Variants in SERPINB6 observed in about 807,000 individuals in gnomAD.
SERPINB6 encodes the protein serpin B6.
A neutral mutation model predicts 26.1 loss-of-function variants in SERPINB6; 16 were observed. The observed-to-expected ratio is 0.61, with a 90% CI of 0.42 to 0.93. SERPINB6 has a LOEUF of 0.93. Among genes scored for constraint, SERPINB6 ranks in the 40% least tolerant of loss-of-function variants. SERPINB6 has a pLI of 0.00. For missense variants in SERPINB6, 420 were observed against 478.0 expected, an observed-to-expected ratio of 0.88 and a Z score of 1.13; for synonymous variants, 174 against 176.6, an observed-to-expected ratio of 0.99 and a Z score of 0.11.
chr6:2,970,961 A>AG lies in SERPINB6; in HGVS notation c.-11+571dup, dbSNP rs149382735. 101,512 of 1,221,006 alleles carry AG rather than the reference A, an allele frequency of 0.083. 4,354 individuals are homozygous for AG. Among genetic ancestry groups the AG allele is most frequent in the East Asian group, 0.16 (5,074 of 31,238 alleles). The allele number at this position is 1,221,006 out of a possible 1,614,324, so 75.6% of individuals were successfully genotyped here. A position where few individuals can be genotyped will look rare whatever the true frequency, so the allele number is the denominator to read the frequency against. ...CACGGCCAGTCCAGTGAACACACGC[A>AG]GGGGGCCCGGATGGCACCGTTTGGC... is the stretch of plus-strand genomic sequence containing the variant. On this transcript the variant is annotated intron_variant, in intron 1 of 6. Coordinates refer to ENST00000380539, the MANE Select transcript of SERPINB6 (RefSeq NM_004568.6).
chr6:2,970,209 TG>T, intron 1 of SERPINB6: 2 of 985,372 alleles, frequency 2.0e-6, no homozygotes, highest in South Asian at 9.4e-5. Context: ...AAAAGAATGT[TG>T]GTTCTATTCA....
intron 1 of SERPINB6, chr6:2,960,513 A>T (rs907698423): frequency 2.0e-5 from 3 of 152,226 alleles, no homozygotes; most frequent in Admixed American, 2.0e-4. Context: ...TACCAAATGA[A>T]TATGTCCCAG....
chr6:2,948,343 G>T lies in SERPINB6; in HGVS notation c.1086C>A (p.Ser362Arg). 1.2e-6 allele frequency: 2 copies of T among 1,614,148 alleles called. No individual in the cohort carries two copies. Among genetic ancestry groups the T allele is most frequent in the Non-Finnish European group, 8.5e-7 (1 of 1,180,028 alleles). Residue 362 changes from serine to arginine, a missense_variant, in exon 7 of 7, where the codon AGC becomes AGA. By Grantham distance (110) the Ser-to-Arg change is moderately radical (BLOSUM62 -1). Coordinates refer to ENST00000380539, the MANE Select transcript of SERPINB6 (RefSeq NM_004568.6). The surrounding 1 kb of genome is among the most constrained non-coding windows in gnomAD (Gnocchi z 5.0). ...CGCAGAAGAGAATCCCGTTGGTCTT[G>T]CTGTGCTGGATGAAGAAAAGGAAGG... is the stretch of plus-strand genomic sequence containing the variant. ...DHPFLFFIQHSKTNGILFCGR... is the reference protein window; with the variant it reads ...DHPFLFFIQHRKTNGILFCGR...
chr6:2,953,559 A>G (rs1378558690), intron 4 of SERPINB6, among the ~76,000 whole-genome samples: 1 of 152,210 alleles, frequency 6.6e-6, no homozygotes, highest in Non-Finnish European at 1.5e-5. Flanking sequence ...GGCCAGACAC[A>G]GTGGCTCACA....
Position 2,953,036 on chromosome 6 carries a change from T to C in SERPINB6, c.573+8A>G. ...CAGGCGCTGCTCCTGTCACGGCCCC[T>C]TACTCGCCTTGCTGACTTTAAACAG... On this transcript the variant is annotated splice_region_variant and intron_variant, in intron 5 of 6. Coordinates refer to ENST00000380539, the MANE Select transcript of SERPINB6 (RefSeq NM_004568.6). The C allele has an allele frequency of 6.2e-7, 1 of 1,614,176 alleles. No homozygotes were observed. The highest frequency in any genetic ancestry group is 2.2e-5 in the East Asian group (1 of 44,886).
At position 2,948,469 on chromosome 6, in the gene SERPINB6, A is replaced by C. The variant is rs1489213532; in HGVS notation, c.960T>G (p.Phe320Leu). 9.3e-6 allele frequency: 15 copies of C among 1,614,066 alleles called. No individual in the cohort carries two copies. Among genetic ancestry groups the C allele is most frequent in the East Asian group, 8.9e-5 (4 of 44,888 alleles). ...CCGTGCCTTCCTCATTGACCTCCAC[A>C]AAAGACTTGTGCACGACCTTGGACA... ...LSLSKVVHKSFVEVNEEGTEA... is the reference protein window; with the variant it reads ...LSLSKVVHKSLVEVNEEGTEA... The change falls in exon 7 of 7, where the codon TTT (phenylalanine) becomes TTG (leucine). Residue 320 changes from phenylalanine (F) to leucine (L), a missense_variant. Transcript: ENST00000380539. This position sits in a 1 kb window ranked among gnomAD's most constrained non-coding sequence, Gnocchi z 5.0.
At chr6:2,956,025 G>A in intron 2 of SERPINB6, 6 of 272,634 alleles carry the variant, frequency 2.2e-5, no homozygotes, top group Non-Finnish European at 4.3e-5. Flanking sequence ...GCAGTGAGCT[G>A]AGATCGTGCC....
At chr6:2,971,099 G>T in intron 1 of SERPINB6, 1 of 1,087,614 alleles carries the variant, frequency 9.2e-7, no homozygotes. Flanking sequence ...CCGAGGCCGC[G>T]GGGCCGACCG....
chr6:2,971,063 CGGGTCGCGGAGCGGGCGAG>C (rs1772110333), intron 1 of SERPINB6: 1 of 1,166,372 alleles, frequency 8.6e-7, no homozygotes, highest in Non-Finnish European at 1.1e-6. Flanking sequence ...ACGCGTCCTC[CGGGTCGCGGAGCGGGCGAG>C]GGGTCACCGA....
At chr6:2,966,571 GTGGTGATCTTGGT>G (rs909028640) in intron 1 of SERPINB6, 1 of 192,092 alleles carries the variant, frequency 5.2e-6, no homozygotes, top group African/African-American at 2.4e-5. Context: ...AACTGTGCAC[GTGGTGATCTTGGT>G]TGCATGCTGC....
chr6:2,969,776 G>GTGTC, intron 1 of SERPINB6: 4 of 983,248 alleles, frequency 4.1e-6, no homozygotes, highest in Non-Finnish European at 4.8e-6. Context: ...GTATGTGTGT[G>GTGTC]TGTGTGTGTG....
intron 5 of SERPINB6, 67 bp from the exon 6 acceptor site, chr6:2,949,136 G>T: frequency 6.4e-7 from 1 of 1,552,446 alleles, no homozygotes; most frequent in South Asian, 1.1e-5. Context: ...CAAATGTGTC[G>T]GAGCTGGCCA....
chr6:2,962,158 C>T (rs1771190966), intron 1 of SERPINB6: 2 of 985,358 alleles, frequency 2.0e-6, no homozygotes, highest in African/African-American at 1.7e-5. Context: ...AGCAAAGCCA[C>T]CTTTGTCTGA....
At chr6:2,954,824 T>A in intron 3 of SERPINB6, 115 bp from the exon 4 acceptor site, 1 of 758,556 alleles carries the variant, frequency 1.3e-6, no homozygotes, top group South Asian at 1.5e-5. Flanking sequence ...ACATACATAA[T>A]TTACAAATAA....
At position 2,948,810 on chromosome 6, in the gene SERPINB6, C is replaced by T. The variant is rs924580243; in HGVS notation, c.729+104G>A. The T allele has an allele frequency of 5.7e-5, 90 of 1,569,700 alleles. 1 individual carries two copies. The highest frequency in any genetic ancestry group is 2.8e-4 in the African/African-American group (21 of 74,070). ...GTGGCAGCGTGGCTATGGTCAGCAGCGCTCCAGTGTTAAACGGCTGACCGC... is the reference window on the plus strand; with the variant it reads ...GTGGCAGCGTGGCTATGGTCAGCAGTGCTCCAGTGTTAAACGGCTGACCGC... On this transcript the variant is annotated intron_variant, in intron 6 of 6. Coordinates refer to ENST00000380539, the MANE Select transcript of SERPINB6 (RefSeq NM_004568.6). The surrounding 1 kb of genome is among the most constrained non-coding windows in gnomAD (Gnocchi z 5.0).
At chr6:2,969,394 T>G in intron 1 of SERPINB6, 1 of 958,926 alleles carries the variant, frequency 1.0e-6, no homozygotes, top group Non-Finnish European at 1.2e-6. Flanking sequence ...CAAATATTTA[T>G]GCAAAATTAA....
At chr6:2,964,745 T>C (rs1250875807) in intron 1 of SERPINB6, among the ~76,000 whole-genome samples, 1 of 152,230 alleles carries the variant, frequency 6.6e-6, no homozygotes, top group African/African-American at 2.4e-5. Flanking sequence ...CCAAACCCTT[T>C]GCTCTTTCTT....
chr6:2,969,083 AG>A (rs1450589546), intron 1 of SERPINB6: 53 of 1,097,254 alleles, frequency 4.8e-5, no homozygotes, highest in Non-Finnish European at 5.6e-5. Flanking sequence ...ATCATAAAAA[AG>A]ATTGGAGAGA....
intron 1 of SERPINB6, chr6:2,971,097 G>T: frequency 1.8e-6 from 2 of 1,099,060 alleles, no homozygotes; most frequent in African/African-American, 1.6e-5. Flanking sequence ...CACCGAGGCC[G>T]CGGGGCCGAC....
Sources: allele counts gnomAD v4.1 joint callset (sites outside exome capture counted in the v4.1 genomes callset), GRCh38; gene constraint gnomAD v4.1.1; non-coding constraint Gnocchi (gnomAD v3.1); transcripts MANE v1.5; gene names NCBI Gene and HGNC (gene_info 2026-07-23, HGNC 2026-07-21).